CEP112: variants seen among roughly 807,000 people sequenced by gnomAD.
CEP112 encodes the protein centrosomal protein 112, also known as centrosomal protein of 112 kDa.
A neutral mutation model predicts 153.0 loss-of-function variants in CEP112; 127 were observed. The ratio of observed to expected loss-of-function variants is 0.83; its 90% confidence interval spans 0.72 to 0.96. The LOEUF (loss-of-function observed/expected upper bound fraction) is 0.96, where lower values mean the gene tolerates loss of function less well. CEP112 is among the 40% of genes least tolerant of loss of function. The pLI, the probability that CEP112 is intolerant of heterozygous loss-of-function variation, is 0.00. For missense variants in CEP112, 1,089 were observed against 1,101.2 expected, an observed-to-expected ratio of 0.99 and a Z score of 0.16; for synonymous variants, 358 against 374.4, an observed-to-expected ratio of 0.96 and a Z score of 0.51.
At chr17:66,057,511 A>G (rs1228566360) in intron 11 of CEP112, among the ~76,000 whole-genome samples, 2 of 152,168 alleles carry the variant, frequency 1.3e-5, no homozygotes, top group African/African-American at 2.4e-5. Flanking sequence ...AATTCAGACC[A>G]AGGAGAGATT....
chr17:66,187,351 A>G (rs1314949381), intron 1 of CEP112, among the ~76,000 whole-genome samples: 3 of 152,082 alleles, frequency 2.0e-5, no homozygotes, highest in Non-Finnish European at 4.4e-5. Context: ...TTCTATCCAG[A>G]TCTCACCCCC....
chr17:66,013,673 A>C (rs2064639749), intron 16 of CEP112, among the ~76,000 whole-genome samples: 3 of 152,344 alleles, frequency 2.0e-5, no homozygotes, highest in African/African-American at 7.2e-5. Flanking sequence ...AAAGCGCTTC[A>C]TCAGGCAGTG....
rs1436834281 is a variant in CEP112, at chr17:66,051,138, C to A, written c.1218+2598G>T. Among the ~76,000 whole-genome samples, 5 of 94,842 alleles carry A rather than the reference C, an allele frequency of 5.3e-5. No individual in the cohort carries two copies. The East Asian group carries it at 1.3e-3, about 24-fold the overall frequency. The allele number at this position is 94,842 out of a possible 152,430, so 62.2% of individuals were successfully genotyped here. A position where few individuals can be genotyped will look rare whatever the true frequency, so the allele number is the denominator to read the frequency against. On this transcript the variant is annotated intron_variant, in intron 12 of 26. Transcript: ENST00000535342. ...GGGACTACAAGCACACCCCCCCGGG[C>A]CTAGCTAATTTTTTTTTTTTTTAAG...
intron 17 of CEP112, among the ~76,000 whole-genome samples, chr17:65,980,781 T>C (rs1363884991): frequency 1.3e-5 from 2 of 152,086 alleles, no homozygotes; most frequent in Non-Finnish European, 2.9e-5. Flanking sequence ...TCAGCTTTTT[T>C]TTCTTTTTTT....
chr17:66,159,199 C>T (rs920890136), intron 4 of CEP112, among the ~76,000 whole-genome samples: 1 of 152,114 alleles, frequency 6.6e-6, no homozygotes, highest in Non-Finnish European at 1.5e-5. Context: ...GAAATTGAGG[C>T]AGTAATTAAT....
intron 8 of CEP112, among the ~76,000 whole-genome samples, chr17:66,073,621 A>G (rs2067378692): frequency 1.3e-5 from 2 of 152,208 alleles, no homozygotes; most frequent in Admixed American, 6.5e-5. Context: ...AATTCAGCTG[A>G]AACAACATAA....
chr17:65,924,622 C>T (rs1025318116), intron 19 of CEP112, among the ~76,000 whole-genome samples: 6 of 152,140 alleles, frequency 3.9e-5, no homozygotes, highest in African/African-American at 1.4e-4. Context: ...GTACTGGTGG[C>T]AACTCTTTTA....
chr17:66,164,914 G>GTGTC (rs567023613), intron 4 of CEP112, among the ~76,000 whole-genome samples: 307 of 143,388 alleles, frequency 2.1e-3, no homozygotes, highest in African/African-American at 7.5e-3. Flanking sequence ...GTGTGTGTGT[G>GTGTC]TGTGTGTATA....
chr17:65,813,932 A>G (rs2056126523), intron 21 of CEP112, among the ~76,000 whole-genome samples: 1 of 152,196 alleles, frequency 6.6e-6, no homozygotes, highest in Non-Finnish European at 1.5e-5. Context: ...TCTATTTTAA[A>G]ATCTTGTATT....
chr17:66,117,880 A>G (rs2069374863), intron 6 of CEP112, among the ~76,000 whole-genome samples: 1 of 152,254 alleles, frequency 6.6e-6, no homozygotes. Context: ...AGAAGAAGAC[A>G]TACAAATGGC....
In CEP112 at chr17:66,175,171, T is replaced by C. The variant is rs1206920523; in HGVS notation, c.343A>G (p.Ser115Gly). 2.5e-6 allele frequency: 4 copies of C among 1,610,238 alleles called. No individual in the cohort carries two copies. In the South Asian group the frequency reaches 4.4e-5, roughly 18 times the overall value. ...ACCCAGGCTGGTAATCCCTCTGGGC[T>C]TGAACCTTTTGCTCGTGCTGGATTT... ...EPNPARAKGS[S>G]PEGLPAWVLG... Residue 115 changes from serine to glycine, a missense_variant, in exon 4 of 27, where the codon AGC (serine) becomes GGC (glycine). Coordinates refer to ENST00000535342, the MANE Select transcript of CEP112 (RefSeq NM_001199165.4).
chr17:65,649,389 A>AT (rs1403149068), intron 24 of CEP112, among the ~76,000 whole-genome samples: 3 of 152,008 alleles, frequency 2.0e-5, no homozygotes, highest in Non-Finnish European at 4.4e-5. Context: ...TTATTATCAT[A>AT]TTTTGAAGTA....
intron 21 of CEP112, among the ~76,000 whole-genome samples, chr17:65,849,100 T>G (rs2057830095): frequency 6.6e-6 from 1 of 152,250 alleles, no homozygotes; most frequent in South Asian, 2.1e-4. Flanking sequence ...AGACTTTCGA[T>G]GATCCTGAAG....
intron 17 of CEP112, among the ~76,000 whole-genome samples, chr17:65,963,167 C>T (rs1694986669): frequency 6.6e-6 from 1 of 151,958 alleles, no homozygotes; most frequent in Admixed American, 6.6e-5. Flanking sequence ...TCCTGATCTT[C>T]CAGATGCCAC....
intron 8 of CEP112, among the ~76,000 whole-genome samples, chr17:66,075,259 T>C (rs1446489275): frequency 6.6e-6 from 1 of 152,110 alleles, no homozygotes; most frequent in East Asian, 1.9e-4. Context: ...GCACAAGTGA[T>C]TGTAGGGTTA....
intron 18 of CEP112, among the ~76,000 whole-genome samples, chr17:65,942,288 C>A (rs774918501): frequency 2.6e-5 from 4 of 152,302 alleles, no homozygotes; most frequent in Non-Finnish European, 4.4e-5. Context: ...TCAGGTGGAA[C>A]AGTTTCATCC....
chr17:66,062,916 G>T, intron 11 of CEP112, 47 bp downstream of exon 11: 4 of 907,980 alleles, frequency 4.4e-6, no homozygotes, highest in East Asian at 2.6e-5. Flanking sequence ...TATGTTACTT[G>T]GAAGCATAAA....
At chr17:66,090,362 C>T (rs2068087758) in intron 8 of CEP112, among the ~76,000 whole-genome samples, 1 of 151,508 alleles carries the variant, frequency 6.6e-6, no homozygotes, top group African/African-American at 2.4e-5. Flanking sequence ...ATATAATAGC[C>T]ACAATAATTT....
intron 17 of CEP112, among the ~76,000 whole-genome samples, chr17:65,991,117 T>C (rs992737436): frequency 3.3e-5 from 5 of 152,218 alleles, no homozygotes; most frequent in African/African-American, 1.2e-4. Context: ...TACAAAATAA[T>C]TCTCTTTTGG....
Sources: allele counts gnomAD v4.1 joint callset (sites outside exome capture counted in the v4.1 genomes callset), GRCh38; gene constraint gnomAD v4.1.1; transcripts MANE v1.5; gene names NCBI Gene and HGNC (gene_info 2026-07-23, HGNC 2026-07-21).